GNAS: variants seen among roughly 807,000 people sequenced by gnomAD.
GNAS encodes protein ALEX.
GNAS carries 8 observed loss-of-function variants against 54.5 expected under a neutral mutation model. The observed-to-expected ratio is 0.15, with a 90% CI of 0.09 to 0.26. The LOEUF is 0.26. GNAS is among the 10% of genes least tolerant of loss of function. The pLI is 1.00. For missense variants in GNAS, 170 were observed against 529.8 expected (o/e 0.32, Z 6.67); for synonymous variants, 204 against 191.4 (o/e 1.07, Z -0.54).
At position 58,853,911 on chromosome 20, in the gene GNAS, T is replaced by C. The variant is rs749896204; in HGVS notation, c.43+13025T>C. ...TGCAAAGGCTGGCTCCAGAGGAGGC[T>C]ACAGCCCTCCCCCTGAGGAGACTAT... On this transcript the variant is annotated intron_variant, in intron 1 of 12. Transcript: ENST00000306090. The surrounding 1 kb of genome is among the most constrained non-coding windows in gnomAD (Gnocchi z 4.4). The C allele has an allele frequency of 6.2e-7, 1 of 1,607,964 alleles. No homozygotes were observed. The highest frequency in any genetic ancestry group is 8.5e-7 in the Non-Finnish European group (1 of 1,177,614).
chr20:58,881,257 G>GT (rs2088202765), intron 1 of GNAS, among the ~76,000 whole-genome samples: 1 of 152,160 alleles, frequency 6.6e-6, no homozygotes, highest in Non-Finnish European at 1.5e-5. Flanking sequence ...TAGACTTTGG[G>GT]ATGCCTCCAA....
At chr20:58,875,727 G>A (rs1054939614) in intron 1 of GNAS, among the ~76,000 whole-genome samples, 1 of 152,244 alleles carries the variant, frequency 6.6e-6, no homozygotes, top group East Asian at 1.9e-4. Context: ...TCAGATCGTA[G>A]CCTTCAGGGT....
chr20:58,861,167 C>T (rs114703983), intron 1 of GNAS, among the ~76,000 whole-genome samples: 2,500 of 152,168 alleles, frequency 0.016, 77 homozygotes, highest in African/African-American at 0.056. Context: ...AACAACAATT[C>T]GTTTCTACAC....
chr20:58,901,192 G>A (rs997634381), intron 3 of GNAS, among the ~76,000 whole-genome samples: 2 of 152,196 alleles, frequency 1.3e-5, no homozygotes, highest in South Asian at 4.1e-4. Flanking sequence ...ATTTGCCCTA[G>A]GGGGTTTTGG....
At position 58,910,265 on chromosome 20, in the gene GNAS, C is replaced by A; in HGVS notation, c.971-69C>A. The A allele has an allele frequency of 7.5e-7, 1 of 1,325,500 alleles. No homozygotes were observed. The highest frequency in any genetic ancestry group is 1.1e-6 in the Non-Finnish European group (1 of 916,314). 82.1% of individuals were successfully genotyped at this position (1,325,500 alleles called of 1,614,324 possible). On this transcript the variant is annotated intron_variant, in intron 11 of 12. Transcript: ENST00000371085. This position sits in a 1 kb window ranked among gnomAD's most constrained non-coding sequence, Gnocchi z 5.8. Reference sequence around the variant, plus strand: ...AGGGTTTTGAAGACTTCAGGAGCTACAGAGATGCTAGCACCCCAGCTCTGC... The same window carrying A: ...AGGGTTTTGAAGACTTCAGGAGCTAAAGAGATGCTAGCACCCCAGCTCTGC...
chr20:58,894,066 A>G (rs1209722671), intron 1 of GNAS, among the ~76,000 whole-genome samples: 1 of 152,244 alleles, frequency 6.6e-6, no homozygotes, highest in African/African-American at 2.4e-5. Context: ...GCCTCCCCAC[A>G]AAAGAGGAAA....
intron 1 of GNAS, among the ~76,000 whole-genome samples, chr20:58,870,855 T>C (rs888910659): frequency 1.3e-5 from 2 of 152,216 alleles, no homozygotes; most frequent in Admixed American, 6.5e-5. Flanking sequence ...GGGCGCCTTT[T>C]CTTCTAGTTG....
intron 1 of GNAS, chr20:58,854,327 T>G (rs1392270439): frequency 6.3e-7 from 1 of 1,594,636 alleles, no homozygotes; most frequent in Non-Finnish European, 8.5e-7. Flanking sequence ...GACCCCCAGT[T>G]GAGGAGGAAG....
chr20:58,891,161 C>G (rs570345818), upstream of GNAS: 13 of 149,574 alleles, frequency 8.7e-5, no homozygotes, highest in South Asian at 2.2e-3. Flanking sequence ...CCCGTCCCGT[C>G]CCCGGCCGGG....
intron 1 of GNAS, chr20:58,876,953 G>C (rs577337094): frequency 6.6e-6 from 1 of 152,376 alleles, no homozygotes; most frequent in East Asian, 1.9e-4. Context: ...ACCCTCGCAG[G>C]GTTAGGATTC....
chr20:58,901,337 C>T (rs1427402010), intron 3 of GNAS, among the ~76,000 whole-genome samples: 2 of 152,166 alleles, frequency 1.3e-5, no homozygotes, highest in Non-Finnish European at 1.5e-5. Context: ...AGCTTTGATT[C>T]TGCACATACA....
Position 58,853,038 on chromosome 20 carries a change from G to T in GNAS, c.43+12152G>T. The stretch of plus-strand genomic sequence containing the variant: ...GCCTGGGGGCATGAAAAGTGGCCAG[G>T]AAGGAGCCAAGACTCCACCAGCAAC... On this transcript the variant is annotated intron_variant, in intron 1 of 12. Coordinates refer to the GNAS transcript ENST00000306090. This position sits in a 1 kb window ranked among gnomAD's most constrained non-coding sequence, Gnocchi z 4.4. 1.5e-6 allele frequency: 2 copies of T among 1,345,048 alleles called. No individual in the cohort carries two copies. The highest frequency in any genetic ancestry group is 9.5e-7 in the Non-Finnish European group (1 of 1,053,196). The allele number at this position is 1,345,048 out of a possible 1,614,324, so 83.3% of individuals were successfully genotyped here.
At position 58,873,549 on chromosome 20, in the gene GNAS, T is replaced by G. The variant is rs1266169906; in HGVS notation, c.44-22063T>G. 1.3e-5 allele frequency among the ~76,000 whole-genome samples: 2 copies of G among 152,194 alleles called. No homozygotes were observed. Among genetic ancestry groups the G allele is most frequent in the Non-Finnish European group, 2.9e-5 (2 of 68,036 alleles). ...CTCACTGATAAGTTATTTCCTAATT[T>G]TTTGGTTAACTTGAAGGTCGAAATA... On this transcript the variant is annotated intron_variant, in intron 1 of 12. Transcript: ENST00000306090. This position sits in a 1 kb window ranked among gnomAD's most constrained non-coding sequence, Gnocchi z 4.3.
intron 1 of GNAS, chr20:58,892,128 T>TCTCTTG (rs2089463417): frequency 2.0e-5 from 19 of 965,000 alleles, no homozygotes; most frequent in Non-Finnish European, 2.3e-5. Context: ...TCAGTGTCTC[T>TCTCTTG]CTCTTGCTCT....
upstream of GNAS, chr20:58,840,515 C>T (rs779401973): frequency 1.2e-6 from 2 of 1,613,578 alleles, no homozygotes; most frequent in South Asian, 1.1e-5. The surrounding 1 kb of genome is among the most constrained non-coding windows in gnomAD (Gnocchi z 6.0). Context: ...CACCACTGAG[C>T]CCGAGACCGA....
chr20:58,849,816 T>C (rs1324269205), intron 1 of GNAS, among the ~76,000 whole-genome samples: 1 of 152,248 alleles, frequency 6.6e-6, no homozygotes, highest in Non-Finnish European at 1.5e-5. Context: ...CCTTTGTGCA[T>C]AACCCCTTTC....
intron 1 of GNAS, among the ~76,000 whole-genome samples, chr20:58,880,084 C>G (rs77364813): frequency 0.024 from 3,580 of 152,210 alleles, 148 homozygotes; most frequent in African/African-American, 0.081. Flanking sequence ...AGTTTAGACT[C>G]TCTTGGCTGG....
chr20:58,897,045 A>G (rs904267757), intron 2 of GNAS, among the ~76,000 whole-genome samples: 1 of 152,238 alleles, frequency 6.6e-6, no homozygotes, highest in Non-Finnish European at 1.5e-5. Context: ...GACATCACCC[A>G]TACGAATAGT....
chr20:58,894,119 C>T (rs1378502671), intron 1 of GNAS, among the ~76,000 whole-genome samples: 1 of 152,168 alleles, frequency 6.6e-6, no homozygotes. Flanking sequence ...ATCTTAATGA[C>T]ATAAAAATTA....
Sources: gnomAD v4.1 joint callset for allele counts (sites outside exome capture counted in the v4.1 genomes callset) on GRCh38, gnomAD v4.1.1 for gene constraint, Gnocchi (gnomAD v3.1) non-coding constraint, MANE v1.5 for transcripts, NCBI Gene and HGNC (gene_info 2026-07-23, HGNC 2026-07-21) for gene names.